The following PRDM5 variants were observed in gnomAD, a reference collection of about 807,000 sequenced individuals.
PRDM5 encodes the protein PR/SET domain 5.
In PRDM5, 56 loss-of-function variants were observed where a neutral mutation model predicts 81.2. The ratio of observed to expected loss-of-function variants is 0.69; its 90% CI spans 0.56 to 0.86. The LOEUF (loss-of-function observed/expected upper bound fraction) is 0.86, where lower values mean the gene tolerates loss of function less well. Among genes scored for constraint, PRDM5 ranks in the 40% least tolerant of loss-of-function variants. PRDM5 has a pLI of 0.00. For missense variants in PRDM5, 697 were observed against 770.1 expected (o/e 0.91, Z 1.12); for synonymous variants, 267 against 256.4 (o/e 1.04, Z -0.39).
intron 2 of PRDM5, among the ~76,000 whole-genome samples, chr4:120,859,994 T>C (rs1036546797): frequency 3.9e-5 from 6 of 152,228 alleles, no homozygotes; most frequent in African/African-American, 1.4e-4. Context: ...CTAGGCACTC[T>C]TTCTATTGAA....
intron 1 of PRDM5, among the ~76,000 whole-genome samples, chr4:120,686,776 G>A (rs1214080977): frequency 6.6e-6 from 1 of 151,748 alleles, no homozygotes; most frequent in East Asian, 1.9e-4. Flanking sequence ...TTCTGACTTA[G>A]CTAAACTTGG....
intron 2 of PRDM5, among the ~76,000 whole-genome samples, chr4:120,854,914 AT>A (rs1759699482): frequency 6.6e-6 from 1 of 152,054 alleles, no homozygotes; most frequent in Non-Finnish European, 1.5e-5. Context: ...CGGTTTGGAA[AT>A]GAATTAGGTG....
At chr4:120,913,453 A>G (rs981283458) in intron 1 of PRDM5, among the ~76,000 whole-genome samples, 3 of 152,242 alleles carry the variant, frequency 2.0e-5, no homozygotes, top group East Asian at 1.9e-4. Flanking sequence ...CAGTTGATAT[A>G]GCAGAGGTCA....
Position 120,710,365 on chromosome 4 carries a change from G to A in PRDM5, c.1672C>T (p.Arg558Ter), listed in dbSNP as rs1490743354. The A allele has an allele frequency of 5.0e-6, 8 of 1,613,986 alleles. No individual in the cohort carries two copies. Among genetic ancestry groups the A allele is most frequent in the Non-Finnish European group, 5.9e-6 (7 of 1,179,996 alleles). ...SECSKAFSQKRGLDEHKRTHT... is the reference protein window; with the variant it reads ...SECSKAFSQK ...GTCCTCTTGTGCTCATCCAGGCCTC[G>A]CTTCTGGCTGAAGGCCTTGCTGCAC... The change falls in exon 15 of 16, where the codon CGA (arginine) becomes TGA (stop). Residue 558 changes from arginine to a stop codon, truncating the protein, a stop_gained. Transcript: ENST00000264808. LOFTEE classifies it high-confidence loss of function.
At chr4:120,908,747 C>T (rs1024725768) in intron 1 of PRDM5, among the ~76,000 whole-genome samples, 3 of 152,158 alleles carry the variant, frequency 2.0e-5, no homozygotes, top group African/African-American at 7.2e-5. Context: ...TAAACACAGG[C>T]ATAGCAAAGA....
At chr4:120,829,372 A>G (rs1756433128) in intron 3 of PRDM5, among the ~76,000 whole-genome samples, 2 of 152,050 alleles carry the variant, frequency 1.3e-5, no homozygotes, top group African/African-American at 2.4e-5. Context: ...CAAATTCTCT[A>G]TGACCCTTCC....
intron 1 of PRDM5, among the ~76,000 whole-genome samples, chr4:120,912,359 A>G (rs1245742983): frequency 1.3e-5 from 2 of 152,156 alleles, no homozygotes; most frequent in African/African-American, 2.4e-5. Flanking sequence ...AGAAATATTT[A>G]TATCTAACTT....
intron 8 of PRDM5, among the ~76,000 whole-genome samples, chr4:120,802,457 A>C (rs1005526773): frequency 3.9e-5 from 6 of 152,238 alleles, no homozygotes; most frequent in Non-Finnish European, 8.8e-5. Flanking sequence ...GGCATCCGCC[A>C]ATAGGGGCAG....
At chr4:120,689,014 C>T (rs1337658147), downstream of PRDM5, among the ~76,000 whole-genome samples, 1 of 152,104 alleles carries the variant, frequency 6.6e-6, no homozygotes, top group Non-Finnish European at 1.5e-5. Flanking sequence ...CATCCATATA[C>T]CCCCTTTATC....
chr4:120,892,280 T>C (rs540732964), intron 2 of PRDM5, among the ~76,000 whole-genome samples: 12 of 152,066 alleles, frequency 7.9e-5, no homozygotes, highest in East Asian at 5.8e-4. Flanking sequence ...ACGAGAAAAA[T>C]GTATATTCTG....
intron 15 of PRDM5, among the ~76,000 whole-genome samples, chr4:120,705,074 C>G (rs1735916672): frequency 6.6e-6 from 1 of 152,112 alleles, no homozygotes; most frequent in South Asian, 2.1e-4. Flanking sequence ...GAGACTGAAA[C>G]TAAAGTATAA....
intron 1 of PRDM5, among the ~76,000 whole-genome samples, chr4:120,918,286 G>A (rs922393282): frequency 6.6e-6 from 1 of 152,176 alleles, no homozygotes; most frequent in Non-Finnish European, 1.5e-5. Flanking sequence ...AGCATATACG[G>A]CAGGCTTCAT....
intron 14 of PRDM5, among the ~76,000 whole-genome samples, chr4:120,739,677 A>T (rs1355877468): frequency 6.6e-6 from 1 of 151,910 alleles, no homozygotes; most frequent in Non-Finnish European, 1.5e-5. Context: ...GCTTACTTTA[A>T]AATTTCACCT....
chr4:120,861,774 G>A (rs1579025340), intron 2 of PRDM5, among the ~76,000 whole-genome samples: 1 of 151,608 alleles, frequency 6.6e-6, no homozygotes, highest in Non-Finnish European at 1.5e-5. Flanking sequence ...CTCCAGCCTA[G>A]GTGAAGAGCA....
intron 2 of PRDM5, among the ~76,000 whole-genome samples, chr4:120,882,525 T>C (rs1762958090): frequency 6.6e-6 from 1 of 152,196 alleles, no homozygotes; most frequent in South Asian, 2.1e-4. Flanking sequence ...GCATCAGTAG[T>C]ATATTTTCTT....
In PRDM5 at chr4:120,884,886, G is replaced by A. The variant is rs113288913; in HGVS notation, c.177+22588C>T. Among the ~76,000 whole-genome samples the A allele has an allele frequency of 1.7e-3, 252 of 151,954 alleles. 1 individual carries two copies. The highest frequency in any genetic ancestry group is 5.6e-3 in the African/African-American group (232 of 41,458). On this transcript the variant is annotated intron_variant, in intron 2 of 15. Transcript: ENST00000264808. The stretch of plus-strand genomic sequence containing the variant: ...CAGTTCAAAAAAAGAAACACTGGCC[G>A]GGCGCGGTGGCTCATGCCTGTAATC...
intron 7 of PRDM5, chr4:120,813,088 T>C (rs1012105564): frequency 2.0e-5 from 3 of 153,486 alleles, no homozygotes; most frequent in African/African-American, 7.2e-5. Flanking sequence ...AATAAAACAA[T>C]ATATTGGCAA....
Position 120,798,419 on chromosome 4 carries a change from G to T in PRDM5, c.1036C>A (p.Arg346=). 1.9e-6 allele frequency: 3 copies of T among 1,600,674 alleles called. No homozygotes were observed. The highest frequency in any genetic ancestry group is 2.6e-6 in the Non-Finnish European group (3 of 1,170,560). ...KRHMITHSEK[R]PYNCEICNKS... ...TTACAAATCTCGCAATTATAGGGTC[G>T]TTTTTCTATTAAAAAAATGAGTGGA... is the stretch of plus-strand genomic sequence containing the variant. The change falls in exon 10 of 16, where the codon CGA becomes AGA. Residue 346 remains arginine (R), a synonymous_variant. Transcript: ENST00000264808.
intron 14 of PRDM5, among the ~76,000 whole-genome samples, chr4:120,738,340 G>C (rs1033348219): frequency 6.6e-6 from 1 of 152,164 alleles, no homozygotes; most frequent in Non-Finnish European, 1.5e-5. Context: ...GGAGAAAATC[G>C]TATAATGGTG....
Sources: allele counts gnomAD v4.1 joint callset (sites outside exome capture counted in the v4.1 genomes callset), GRCh38; gene constraint gnomAD v4.1.1; transcripts MANE v1.5; gene names NCBI Gene and HGNC (gene_info 2026-07-23, HGNC 2026-07-21).